The following SYNE1 variants were observed in gnomAD, a reference collection of about 807,000 sequenced individuals.
SYNE1 encodes the protein nesprin-1.
A neutral mutation model predicts 1,111.0 loss-of-function variants in SYNE1; 616 were observed. The observed-to-expected ratio is 0.55, with a 90% CI of 0.52 to 0.59. The LOEUF is 0.59. Ranked by LOEUF, SYNE1 falls within the 20% of genes least tolerant of loss-of-function variation. The probability of loss-of-function intolerance (pLI) is 0.00; values close to 1 mark genes in which losing one functional copy is unlikely to be tolerated. For missense variants in SYNE1, 10,006 were observed against 10,417.0 expected (o/e 0.96, Z 1.72); for synonymous variants, 3,855 against 3,825.8 (o/e 1.01, Z -0.28).
chr6:152,316,671 A>C lies in SYNE1; in HGVS notation c.16710+178T>G. 3 of 667,870 alleles carry C rather than the reference A, an allele frequency of 4.5e-6. No homozygotes were observed. In the South Asian group the frequency reaches 5.7e-5, roughly 13 times the overall value. The allele number at this position is 667,870 out of a possible 1,614,324, so 41.4% of individuals were successfully genotyped here. A position where few individuals can be genotyped will look rare whatever the true frequency, so the allele number is the denominator to read the frequency against. ...ATATTTATTTATTCAATTTCATGAA[A>C]TTTCATGAGAAGCTCCTTTCTGTCC... On this transcript the variant is annotated intron_variant, in intron 87 of 145. Transcript: ENST00000367255.
intron 40 of SYNE1, among the ~76,000 whole-genome samples, chr6:152,417,237 G>A (rs1042746465): frequency 6.6e-6 from 1 of 152,166 alleles, no homozygotes; most frequent in African/African-American, 2.4e-5. Flanking sequence ...GGTGGCTCAC[G>A]CCTGTAATCC....
At position 152,214,918 on chromosome 6, in the gene SYNE1, G is replaced by T. The variant is rs1333921772; in HGVS notation, c.22334C>A (p.Thr7445Lys). 1.2e-6 allele frequency: 2 copies of T among 1,614,092 alleles called. No homozygotes were observed. Among genetic ancestry groups the T allele is most frequent in the Non-Finnish European group, 8.5e-7 (1 of 1,179,986 alleles). ...TTGTTTACTCTACCTGAATCTTTCT[G>T]TAGTCTGAGAGGAGATCAGAGACCA... ...RHWSLISSQT[T>K]ERFSKLQSFL... Residue 7445 changes from threonine (T) to lysine (K), a missense_variant, in exon 122 of 146, where the codon ACA (threonine) becomes AAA (lysine). Thr to Lys is a moderately conservative substitution (Grantham distance 78). This residue lies in a region of SYNE1 where 2,182 missense variants were observed against 2,287.8 expected (regional missense o/e 0.95). Transcript: ENST00000367255.
Position 152,122,501 on chromosome 6 carries a change from A to C in SYNE1, c.26329T>G (p.Ser8777Ala). ...TGGAATGACCGGGCAAAGTTGTTGG[A>C]GAGGGCACAGCTGTAGTCTTCCTCT... ...MSEEDYSCAL[S>A]NNFARSFHPM... The change falls in exon 146 of 146, where the codon TCC becomes GCC. Residue 8777 changes from serine (S) to alanine (A), a missense_variant. Ser to Ala is a moderately conservative substitution (Grantham distance 99, BLOSUM62 1). Around this residue, in one of 7 missense-constraint regions of SYNE1, gnomAD observed 761 missense variants for 795.5 expected, o/e 0.96. Coordinates refer to ENST00000367255, the MANE Select transcript of SYNE1 (RefSeq NM_182961.4). 2 of 1,614,152 alleles carry C rather than the reference A, an allele frequency of 1.2e-6. No homozygotes were observed. Among genetic ancestry groups the C allele is most frequent in the Non-Finnish European group, 8.5e-7 (1 of 1,180,010 alleles).
chr6:152,267,745 G>T (rs1012578346), intron 100 of SYNE1, among the ~76,000 whole-genome samples: 2 of 152,182 alleles, frequency 1.3e-5, no homozygotes, highest in Non-Finnish European at 2.9e-5. Flanking sequence ...CAATCATTCA[G>T]TTAGAAACAT....
chr6:152,544,452 T>C (rs150009084), intron 3 of SYNE1, among the ~76,000 whole-genome samples: 63 of 152,152 alleles, frequency 4.1e-4, no homozygotes, highest in East Asian at 7.7e-4. Flanking sequence ...CAGTTGGTCC[T>C]ACAGGCCTCA....
intron 98 of SYNE1, among the ~76,000 whole-genome samples, chr6:152,271,585 T>G (rs1398883833): frequency 6.6e-6 from 1 of 152,216 alleles, no homozygotes; most frequent in Non-Finnish European, 1.5e-5. Flanking sequence ...ATGGGAAGTT[T>G]GGGTGGATGG....
At chr6:152,381,676 T>C (rs961566579) in intron 55 of SYNE1, 5 of 414,694 alleles carry the variant, frequency 1.2e-5, no homozygotes, top group Non-Finnish European at 2.3e-5. Flanking sequence ...CTGTGGTGGA[T>C]TGCTCCTGTG....
At chr6:152,386,993 A>C (rs1414437057) in intron 54 of SYNE1, 79 bp downstream of exon 54, 1 of 1,267,762 alleles carries the variant, frequency 7.9e-7, no homozygotes, top group Admixed American at 2.7e-5. Context: ...CCTTGGCAAC[A>C]GTCATTATAT....
intron 3 of SYNE1, among the ~76,000 whole-genome samples, chr6:152,574,171 T>TAC (rs1050782342): frequency 2.8e-5 from 4 of 142,982 alleles, no homozygotes; most frequent in African/African-American, 1.1e-4. Context: ...TGTATATATA[T>TAC]ACACACATAT....
chr6:152,210,157 T>C lies in SYNE1; in HGVS notation c.22589+1337A>G, dbSNP rs74969934. ...AATACACTTGCAATCTGAGGCCTTC[T>C]TATTGTCAGTAGGCTCTAATCTGAT... On this transcript the variant is annotated intron_variant, in intron 124 of 145. Coordinates refer to ENST00000367255, the MANE Select transcript of SYNE1 (RefSeq NM_182961.4). Among the ~76,000 whole-genome samples, 787 of 152,338 alleles carry C rather than the reference T, an allele frequency of 5.2e-3. 12 individuals carry two copies. The highest frequency in any genetic ancestry group is 0.018 in the African/African-American group (740 of 41,564).
Position 152,430,846 on chromosome 6 carries a change from C to T in SYNE1, c.4462-137G>A. The T allele has an allele frequency of 6.0e-6, 5 of 836,184 alleles. No homozygotes were observed. The South Asian group carries it at 7.1e-5, about 12-fold the overall frequency. The allele number at this position is 836,184 out of a possible 1,614,324, so 51.8% of individuals were successfully genotyped here. Reference sequence around the variant, plus strand: ...TGGATGGTTAGAGCGCAGCTGTGAGCAAACACCATGTGTTTGGGGAGATGA... The same window carrying T: ...TGGATGGTTAGAGCGCAGCTGTGAGTAAACACCATGTGTTTGGGGAGATGA... On this transcript the variant is annotated intron_variant, in intron 34 of 145. Coordinates refer to ENST00000367255, the MANE Select transcript of SYNE1 (RefSeq NM_182961.4).
Position 152,511,498 on chromosome 6 carries a change from CA to C in SYNE1, c.310-396del, listed in dbSNP as rs1425784131. On this transcript the variant is annotated intron_variant, in intron 6 of 145. Transcript: ENST00000367255. Reference sequence around the variant, plus strand: ...ATGCACTTACTTTGAAGTTTGTTACCAAATAGCAGGTAACTTATGTTCCCTT... The same window carrying C: ...ATGCACTTACTTTGAAGTTTGTTACCAATAGCAGGTAACTTATGTTCCCTT... 4.3e-6 allele frequency: 6 copies of C among 1,406,420 alleles called. No individual in the cohort carries two copies. The East Asian group carries it at 1.4e-4, about 32-fold the overall frequency. The allele number at this position is 1,406,420 out of a possible 1,614,324, so 87.1% of individuals were successfully genotyped here. A position where few individuals can be genotyped will look rare whatever the true frequency, so the allele number is the denominator to read the frequency against.
At chr6:152,149,838 T>G (rs569920359) in intron 135 of SYNE1, among the ~76,000 whole-genome samples, 170 bp from the exon 136 acceptor site, 81 of 152,310 alleles carry the variant, frequency 5.3e-4, no homozygotes, top group Non-Finnish European at 6.6e-4. Context: ...GTAAAACATA[T>G]GCATTTTCAG....
intron 98 of SYNE1, among the ~76,000 whole-genome samples, chr6:152,276,651 C>A (rs143941526): frequency 1.3e-3 from 201 of 152,244 alleles, no homozygotes; most frequent in African/African-American, 4.8e-3. Context: ...AACATAGATG[C>A]TTTCCCTCCC....
Position 152,391,579 on chromosome 6 carries a change from G to GA in SYNE1, c.7713-12_7713-11insT. 2.3e-6 allele frequency: 2 copies of GA among 855,120 alleles called. No individual in the cohort carries two copies. The highest frequency in any genetic ancestry group is 1.5e-6 in the Non-Finnish European group (1 of 654,034). The allele number at this position is 855,120 out of a possible 1,614,324, so 53.0% of individuals were successfully genotyped here. On this transcript the variant is annotated splice_polypyrimidine_tract_variant and intron_variant, in intron 51 of 145. Transcript: ENST00000367255. ...TTATCAAGAGACTCTCTGAAAAAAAGGAAAAAAAAAAAAAAGAAAAAAAAT... is the reference window on the plus strand; with the variant it reads ...TTATCAAGAGACTCTCTGAAAAAAAGAGAAAAAAAAAAAAAAGAAAAAAAAT...
At chr6:152,495,927 G>A (rs1268845897) in intron 11 of SYNE1, among the ~76,000 whole-genome samples, 2 of 152,144 alleles carry the variant, frequency 1.3e-5, no homozygotes, top group African/African-American at 2.4e-5. Flanking sequence ...TTTTATATTC[G>A]AGTGCTATTT....
intron 41 of SYNE1, 74 bp from the exon 42 acceptor site, chr6:152,413,605 T>A (rs1373211070): frequency 2.0e-6 from 3 of 1,465,544 alleles, no homozygotes; most frequent in South Asian, 2.3e-5. Context: ...CGTAAGTATA[T>A]GATGAGTCCA....
intron 93 of SYNE1, among the ~76,000 whole-genome samples, chr6:152,299,963 G>T (rs376532444): frequency 5.3e-5 from 8 of 151,950 alleles, no homozygotes; most frequent in Admixed American, 1.3e-4. Flanking sequence ...GCATATTTTT[G>T]ATTTCTATCT....
intron 118 of SYNE1, 85 bp from the exon 119 acceptor site, chr6:152,221,131 G>T: frequency 2.9e-6 from 4 of 1,382,520 alleles, no homozygotes; most frequent in Non-Finnish European, 4.1e-6. Context: ...CATGATCCTG[G>T]TTCATGTGAA....
Sources: gnomAD v4.1 joint callset for allele counts (sites outside exome capture counted in the v4.1 genomes callset) on GRCh38, gnomAD v4.1.1 for gene constraint, gnomAD v4.1.1 regional missense constraint, MANE v1.5 for transcripts, NCBI Gene and HGNC (gene_info 2026-07-23, HGNC 2026-07-21) for gene names.